Variants in HDGFL2 observed in about 807,000 individuals in gnomAD.
The protein encoded by HDGFL2 is HDGF like 2, also known as hepatoma-derived growth factor-related protein 2.
In HDGFL2, 36 loss-of-function variants were observed where a neutral mutation model predicts 77.1. That is an observed-to-expected ratio of 0.47 (90% CI 0.36 to 0.62). The LOEUF (loss-of-function observed/expected upper bound fraction) is 0.62. Ranked by LOEUF, HDGFL2 falls within the 20% of genes least tolerant of loss-of-function variation. The pLI is 0.00. For synonymous variants in HDGFL2, 463 were observed against 413.1 expected, an observed-to-expected ratio of 1.12 and a Z score of -1.46; for missense variants, 976 against 973.4, an observed-to-expected ratio of 1.00 and a Z score of -0.04.
intron 13 of HDGFL2, 35 bp from the exon 14 acceptor site, chr19:4,499,456 C>G (rs1266743495): frequency 6.3e-7 from 1 of 1,598,116 alleles, no homozygotes; most frequent in Non-Finnish European, 8.5e-7. Context: ...GGCCGCTGCA[C>G]TTGGGTGAGC....
chr19:4,490,356 A>G (rs1975475334), intron 4 of HDGFL2, among the ~76,000 whole-genome samples: 1 of 152,124 alleles, frequency 6.6e-6, no homozygotes, highest in Non-Finnish European at 1.5e-5. Context: ...GAGTGCTGGG[A>G]TGACAGGCGT....
In HDGFL2 at chr19:4,499,643, C is replaced by G. The variant is rs902707304; in HGVS notation, c.1728C>G (p.Ala576=). The G allele has an allele frequency of 1.0e-5, 15 of 1,429,446 alleles. No homozygotes were observed. The South Asian group carries it at 1.7e-4, about 17-fold the overall frequency. The allele number at this position is 1,429,446 out of a possible 1,614,324, so 88.5% of individuals were successfully genotyped here. A position where few individuals can be genotyped will look rare whatever the true frequency, so the allele number is the denominator to read the frequency against. ...AGGAGAAGGCCGAGGAGAAGCTGGC[C>G]GGGGAGGAGCTGGCCGGGGAGGAGG... ...MEKEKAEEKL[A]GEELAGEEAP... is the part of the protein sequence containing the mutation. Residue 576 remains alanine (A), a synonymous_variant, in exon 14 of 16, where the codon GCC becomes GCG. Transcript: ENST00000616600.
At chr19:4,486,052 C>CAA (rs548919228) in intron 3 of HDGFL2, among the ~76,000 whole-genome samples, 1,949 of 74,842 alleles carry the variant, frequency 0.026, 58 homozygotes, top group African/African-American at 0.086. Context: ...GACCCCGTCT[C>CAA]AAAAAAAAAA....
intron 10 of HDGFL2, chr19:4,497,133 A>G (rs1450842864): frequency 2.2e-6 from 1 of 444,762 alleles, no homozygotes; most frequent in Admixed American, 2.5e-5. Context: ...TCAGCCTCCC[A>G]AAGTGCTGGG....
At position 4,474,424 on chromosome 19, in the gene HDGFL2, C is replaced by T. The variant is rs562872602; in HGVS notation, c.73-851C>T. On this transcript the variant is annotated intron_variant, in intron 1 of 15. Transcript: ENST00000616600. ...GATGCTGGGCCTGGCGGCCCATGGC[C>T]GAGCCCAGGGGCCAGGGACTCTGAT... Among the ~76,000 whole-genome samples, 320 of 152,156 alleles carry T rather than the reference C, an allele frequency of 2.1e-3. 3 individuals are homozygous for T. Among genetic ancestry groups the T allele is most frequent in the African/African-American group, 7.4e-3 (306 of 41,490 alleles).
At chr19:4,494,596 A>T in intron 9 of HDGFL2, 121 bp downstream of exon 9, 1 of 709,994 alleles carries the variant, frequency 1.4e-6, no homozygotes. Context: ...GTGGGCCCAG[A>T]AACTCCTGCC....
intron 3 of HDGFL2, among the ~76,000 whole-genome samples, chr19:4,485,521 G>A (rs898177387): frequency 6.6e-6 from 1 of 150,948 alleles, no homozygotes; most frequent in Non-Finnish European, 1.5e-5. Flanking sequence ...GGTGGATCAC[G>A]AGGTCAGGAG....
chr19:4,475,950 C>G (rs1380694765), intron 3 of HDGFL2, among the ~76,000 whole-genome samples: 1 of 150,418 alleles, frequency 6.6e-6, no homozygotes, highest in Admixed American at 6.7e-5. Context: ...AGTGCAGTGG[C>G]GCGATCTCGG....
chr19:4,476,924 T>TG (rs532686224), intron 3 of HDGFL2, among the ~76,000 whole-genome samples: 46 of 148,484 alleles, frequency 3.1e-4, no homozygotes, highest in South Asian at 8.6e-4. Context: ...CAGGCTTAGC[T>TG]GGGGGGGCAT....
chr19:4,501,427 G>A (rs1975879942), intron 15 of HDGFL2, 110 bp downstream of exon 15: 1 of 1,327,136 alleles, frequency 7.5e-7, no homozygotes. Flanking sequence ...GGGTCCCAGG[G>A]ATGTCGTCCT....
At chr19:4,492,104 G>A (rs1975530558) in intron 6 of HDGFL2, among the ~76,000 whole-genome samples, 1 of 152,220 alleles carries the variant, frequency 6.6e-6, no homozygotes, top group Non-Finnish European at 1.5e-5. Context: ...ATGAGAGTGA[G>A]AGAGTGAGAA....
chr19:4,497,181 CGTTTTTGTTTTT>C (rs747539928), intron 10 of HDGFL2: 5 of 445,014 alleles, frequency 1.1e-5, no homozygotes, highest in East Asian at 7.1e-5. Flanking sequence ...CTGCAGCCCA[CGTTTTTGTTTTT>C]GTTTTTGTTT....
chr19:4,494,389 C>A lies in HDGFL2; in HGVS notation c.1138C>A (p.Pro380Thr). The change falls in exon 9 of 16, where the codon CCC becomes ACC. Residue 380 changes from proline (P) to threonine (T), a missense_variant. This residue lies in a region of HDGFL2 where 567 missense variants were observed against 534.7 expected (regional missense o/e 1.06). Transcript: ENST00000616600. ...GGACGAGCTCAGGGAGGACGATGAG[C>A]CCGTCAAGAAGCGGGGACGCAAGGG... Reference protein sequence around the residue: ...SGDELREDDEPVKKRGRKGRG... With the variant: ...SGDELREDDETVKKRGRKGRG... The A allele has an allele frequency of 7.1e-7, 1 of 1,403,752 alleles. No homozygotes were observed. The highest frequency in any genetic ancestry group is 2.0e-4 in the Middle Eastern group (1 of 5,126). 87.0% of individuals were successfully genotyped at this position (1,403,752 alleles called of 1,614,324 possible).
chr19:4,476,259 T>C (rs541483990), intron 3 of HDGFL2, among the ~76,000 whole-genome samples: 2 of 146,794 alleles, frequency 1.4e-5, no homozygotes, highest in East Asian at 2.0e-4. Flanking sequence ...AATGGCGTGA[T>C]CTCAGCTCAC....
chr19:4,493,259 TGTGTGTGTG>T (rs1235477301), intron 6 of HDGFL2, among the ~76,000 whole-genome samples: 2 of 140,688 alleles, frequency 1.4e-5, no homozygotes, highest in African/African-American at 5.5e-5. Flanking sequence ...GTTGTCTGTG[TGTGTGTGTG>T]GTGTGTGTGT....
intron 14 of HDGFL2, among the ~76,000 whole-genome samples, chr19:4,500,439 C>T (rs1975831975): frequency 6.7e-6 from 1 of 148,338 alleles, no homozygotes; most frequent in Admixed American, 6.8e-5. Context: ...GCCTACACCA[C>T]TATGCCCTGC....
At position 4,489,403 on chromosome 19, in the gene HDGFL2, C is replaced by T. The variant is rs1006012013; in HGVS notation, c.489+527C>T. ...CAGTAGCTGGGATTATGGGCACCACCACCATATTTTTTTTTTTTTGAGACG... is the reference window on the plus strand; with the variant it reads ...CAGTAGCTGGGATTATGGGCACCACTACCATATTTTTTTTTTTTTGAGACG... On this transcript the variant is annotated intron_variant, in intron 4 of 15. Transcript: ENST00000616600. Among the ~76,000 whole-genome samples the T allele has an allele frequency of 2.1e-5, 3 of 145,866 alleles. No homozygotes were observed. The South Asian group carries it at 6.5e-4, about 32-fold the overall frequency.
At position 4,472,372 on chromosome 19, in the gene HDGFL2, G is replaced by C; in HGVS notation, c.22G>C (p.Gly8Arg). 6.5e-7 allele frequency: 1 copy of C among 1,529,736 alleles called. No individual in the cohort carries two copies. The highest frequency in any genetic ancestry group is 8.8e-7 in the Non-Finnish European group (1 of 1,140,480). 94.8% of individuals were successfully genotyped at this position (1,529,736 alleles called of 1,614,324 possible). A position where few individuals can be genotyped will look rare whatever the true frequency, so the allele number is the denominator to read the frequency against. Residue 8 changes from glycine to arginine, a missense_variant, in exon 1 of 16, where the codon GGG becomes CGG. Gly to Arg is a moderately radical substitution (Grantham distance 125). Transcript: ENST00000616600. MPHAFKP[G>R]DLVFAKMKGY... ...CAGCATGCCACACGCCTTCAAGCCC[G>C]GGGACTTGGTGTTCGCTAAGATGAA...
At chr19:4,501,432 C>T (rs552794895) in intron 15 of HDGFL2, 115 bp downstream of exon 15, 34 of 1,259,776 alleles carry the variant, frequency 2.7e-5, no homozygotes, top group African/African-American at 1.4e-4. Flanking sequence ...CCAGGGATGT[C>T]GTCCTTACTC....
Sources: allele counts gnomAD v4.1 joint callset (sites outside exome capture counted in the v4.1 genomes callset), GRCh38; gene constraint gnomAD v4.1.1; regional missense constraint gnomAD v4.1.1; transcripts MANE v1.5; gene names NCBI Gene and HGNC (gene_info 2026-07-23, HGNC 2026-07-21).